ADGRE3: variants seen among roughly 807,000 people sequenced by gnomAD.
ADGRE3 encodes EGF-like module receptor 3.
A neutral mutation model predicts 80.1 loss-of-function variants in ADGRE3; 88 were observed. The ratio of observed to expected loss-of-function variants is 1.10; its 90% confidence interval spans 0.93 to 1.31. ADGRE3 has a LOEUF of 1.31. Among genes scored for constraint, ADGRE3 ranks in the 40% most tolerant of loss-of-function variants. ADGRE3 has a pLI of 0.00. For missense variants in ADGRE3, 715 were observed against 776.5 expected, an observed-to-expected ratio of 0.92 and a Z score of 0.94; for synonymous variants, 281 against 294.8, an observed-to-expected ratio of 0.95 and a Z score of 0.48.
At chr19:14,615,757 T>TAAAA (rs559844563), downstream of ADGRE3, among the ~76,000 whole-genome samples, 34 of 136,218 alleles carry the variant, frequency 2.5e-4, no homozygotes, top group Admixed American at 8.9e-4. Flanking sequence ...GAGACTCTGC[T>TAAAA]AAAAAAAAAA....
intron 11 of ADGRE3, among the ~76,000 whole-genome samples, chr19:14,634,282 T>C (rs1970971772): frequency 6.6e-6 from 1 of 152,160 alleles, no homozygotes. Flanking sequence ...ACATAAAAAA[T>C]ACTCATAGCT....
At chr19:14,626,433 T>C (rs1394401478) in intron 14 of ADGRE3, among the ~76,000 whole-genome samples, 6 of 151,834 alleles carry the variant, frequency 4.0e-5, no homozygotes, top group Non-Finnish European at 7.4e-5. Context: ...CAACACTTCA[T>C]CTCAAAAAAA....
At chr19:14,654,038 T>C (rs1971679846) in intron 6 of ADGRE3, among the ~76,000 whole-genome samples, 1 of 151,072 alleles carries the variant, frequency 6.6e-6, no homozygotes. Flanking sequence ...CTGCAACCTC[T>C]GCCTCCCCAG....
chr19:14,655,207 C>G, intron 5 of ADGRE3, 42 bp from the exon 6 acceptor site: 3 of 1,548,470 alleles, frequency 1.9e-6, no homozygotes, highest in Non-Finnish European at 2.6e-6. Context: ...AAAATGTAAT[C>G]TGGTAAGTCC....
the ADGRE3 span, among the ~76,000 whole-genome samples, chr19:14,613,789 G>T: frequency 1.3e-5 from 2 of 151,950 alleles, no homozygotes; most frequent in African/African-American, 4.8e-5. Context: ...GGGTACAAGC[G>T]ATTCTTGTGC....
rs111958653 is a variant in ADGRE3, at chr19:14,672,001, T to C, written c.25+2745A>G. 9.8e-3 allele frequency among the ~76,000 whole-genome samples: 1,491 copies of C among 152,266 alleles called. 21 individuals are homozygous for C. Among genetic ancestry groups the C allele is most frequent in the African/African-American group, 0.035 (1,447 of 41,542 alleles). ...TTGGCCTCAAGTGATCCTCCTTCTG[T>C]GGCCTCCCAAAGTGTTGGCATTATA... On this transcript the variant is annotated intron_variant, in intron 1 of 15. Coordinates refer to ENST00000253673, the MANE Select transcript of ADGRE3 (RefSeq NM_032571.5).
chr19:14,616,084 A>C (rs2075073861), downstream of ADGRE3, among the ~76,000 whole-genome samples: 1 of 150,850 alleles, frequency 6.6e-6, no homozygotes, highest in Non-Finnish European at 1.5e-5. Flanking sequence ...GGCCTATGCC[A>C]CCACACCCGG....
At chr19:14,641,790 G>A (rs1971259633) in intron 9 of ADGRE3, among the ~76,000 whole-genome samples, 174 bp from the exon 10 acceptor site, 1 of 152,152 alleles carries the variant, frequency 6.6e-6, no homozygotes, top group Non-Finnish European at 1.5e-5. Flanking sequence ...TAATATAGAT[G>A]GCTAACGTAG....
chr19:14,604,787 T>A, the ADGRE3 span, among the ~76,000 whole-genome samples: 1,312 of 151,936 alleles, frequency 8.6e-3, 11 homozygotes, highest in Non-Finnish European at 0.015. Context: ...TTTTTTAAAG[T>A]CACCAGATAA....
At chr19:14,644,354 T>A in intron 8 of ADGRE3, 79 bp from the exon 9 acceptor site, 1 of 1,154,118 alleles carries the variant, frequency 8.7e-7, no homozygotes, top group Non-Finnish European at 1.2e-6. Flanking sequence ...AAAATCTTGC[T>A]TTGTTACTCA....
Position 14,625,565 on chromosome 19 carries a change from A to T in ADGRE3, c.1847T>A (p.Ile616Asn), listed in dbSNP as rs757988080. The T allele has an allele frequency of 6.2e-7, 1 of 1,613,774 alleles. No homozygotes were observed. The highest frequency in any genetic ancestry group is 8.5e-7 in the Non-Finnish European group (1 of 1,179,724). ...QKQYQKWFRE[I>N]VKSKSESETY... ...CTCAGACTCAGATTTTGATTTTACG[A>T]TCTCTCTAAACCACTTTTGATATTG... Residue 616 changes from isoleucine (I) to asparagine (N), a missense_variant, in exon 15 of 16, where the codon ATC (isoleucine) becomes AAC (asparagine). Physicochemically the swap from Ile to Asn is moderately radical, Grantham distance 149. Transcript: ENST00000253673.
At chr19:14,626,619 G>T (rs4292032) in intron 14 of ADGRE3, among the ~76,000 whole-genome samples, 141,156 of 152,190 alleles carry the variant, frequency 0.93, 65,521 homozygotes, top group African/African-American at 0.94. Flanking sequence ...CAACAAGGGT[G>T]GAAGTGTAAG....
intron 2 of ADGRE3, among the ~76,000 whole-genome samples, chr19:14,663,964 A>G (rs1972024123): frequency 6.6e-6 from 1 of 151,904 alleles, no homozygotes; most frequent in African/African-American, 2.4e-5. Flanking sequence ...GACATATTAT[A>G]TATGTAAATA....
At chr19:14,637,981 A>C in intron 11 of ADGRE3, 124 bp downstream of exon 11, 21 of 701,242 alleles carry the variant, frequency 3.0e-5, no homozygotes, top group Non-Finnish European at 4.7e-5. Context: ...GAAAGAGGTT[A>C]GAGCTGTTAT....
chr19:14,613,202 A>G, the ADGRE3 span, among the ~76,000 whole-genome samples: 4 of 151,722 alleles, frequency 2.6e-5, no homozygotes, highest in African/African-American at 9.7e-5. Context: ...CTAAGATTAC[A>G]GGCGTGAGCC....
intron 14 of ADGRE3, among the ~76,000 whole-genome samples, chr19:14,628,111 A>G (rs552469730): frequency 1.3e-5 from 2 of 151,486 alleles, no homozygotes; most frequent in African/African-American, 4.8e-5. Flanking sequence ...CTGGGCAACA[A>G]GAGCCAAACT....
At chr19:14,669,967 A>G (rs1440492060) in intron 1 of ADGRE3, among the ~76,000 whole-genome samples, 3 of 152,164 alleles carry the variant, frequency 2.0e-5, no homozygotes, top group African/African-American at 7.2e-5. Flanking sequence ...ATTCGGTACA[A>G]TGTTTAATGT....
chr19:14,638,961 G>A (rs1028804147), intron 10 of ADGRE3, among the ~76,000 whole-genome samples: 4 of 151,910 alleles, frequency 2.6e-5, no homozygotes, highest in African/African-American at 9.7e-5. Flanking sequence ...GAGTGCAGTG[G>A]CACAATCATA....
rs1277687780 is a variant in ADGRE3 at position 14,633,228 on chromosome 19, A to T, written c.1551+8T>A. On this transcript the variant is annotated splice_region_variant and intron_variant, in intron 12 of 15. Transcript: ENST00000253673. Reference sequence around the variant, plus strand: ...CCTAGTTTGGGAACATCGAAGGCACATACTCACAGAGAAAATGGCACAGAC... The same window carrying T: ...CCTAGTTTGGGAACATCGAAGGCACTTACTCACAGAGAAAATGGCACAGAC... The T allele has an allele frequency of 6.2e-7, 1 of 1,611,264 alleles. No individual in the cohort carries two copies. The highest frequency in any genetic ancestry group is 1.7e-5 in the Admixed American group (1 of 59,784).
Sources: gnomAD v4.1 joint callset for allele counts (sites outside exome capture counted in the v4.1 genomes callset) on GRCh38, gnomAD v4.1.1 for gene constraint, MANE v1.5 for transcripts, NCBI Gene and HGNC (gene_info 2026-07-23, HGNC 2026-07-21) for gene names.